PRKG1: variants seen among roughly 807,000 people sequenced by gnomAD.
The protein encoded by PRKG1 is protein kinase cGMP-dependent 1.
PRKG1 carries 35 observed loss-of-function variants against 88.1 expected under a neutral mutation model. The observed-to-expected ratio is 0.40, with a 90% CI of 0.30 to 0.53. The LOEUF (loss-of-function observed/expected upper bound fraction) is 0.53, where lower values mean the gene tolerates loss of function less well. Among genes scored for constraint, PRKG1 ranks in the 20% least tolerant of loss-of-function variants. PRKG1 has a pLI of 0.59. For missense variants in PRKG1, 540 were observed against 839.8 expected (o/e 0.64, Z 4.41); for synonymous variants, 303 against 292.5 (o/e 1.04, Z -0.37).
intron 3 of PRKG1, among the ~76,000 whole-genome samples, chr10:51,473,396 ATT>A (rs1840105861): frequency 6.6e-6 from 1 of 151,740 alleles, no homozygotes; most frequent in Non-Finnish European, 1.5e-5. Context: ...GGTTGAGAAG[ATT>A]TTTTTCCTTA....
chr10:52,096,925 G>A lies in PRKG1; in HGVS notation c.935+34294G>A, dbSNP rs555441679. On this transcript the variant is annotated intron_variant, in intron 7 of 17. Coordinates refer to ENST00000373980, the MANE Select transcript of PRKG1 (RefSeq NM_006258.4). The stretch of plus-strand genomic sequence containing the variant: ...TATTATTAACTTACATGTAATGGCT[G>A]CTTGCTCTGGGCTGGATACAGAGTT... Among the ~76,000 whole-genome samples, 16 of 152,200 alleles carry A rather than the reference G, an allele frequency of 1.1e-4. No individual in the cohort carries two copies. The South Asian group carries it at 3.3e-3, about 32-fold the overall frequency.
At chr10:51,884,931 A>G (rs964612544) in intron 4 of PRKG1, among the ~76,000 whole-genome samples, 9 of 152,178 alleles carry the variant, frequency 5.9e-5, no homozygotes, top group African/African-American at 2.2e-4. Context: ...TTAACTCACC[A>G]TGGAGATATC....
intron 1 of PRKG1, among the ~76,000 whole-genome samples, chr10:51,111,278 AT>A (rs2131897008): frequency 6.6e-6 from 1 of 152,180 alleles, no homozygotes; most frequent in African/African-American, 2.4e-5. Flanking sequence ...ATATTTTTAA[AT>A]TTTTTGTGTG....
chr10:52,175,657 G>A (rs1589674511), intron 9 of PRKG1, among the ~76,000 whole-genome samples: 2 of 151,952 alleles, frequency 1.3e-5, no homozygotes, highest in African/African-American at 4.8e-5. Flanking sequence ...ACAACCATTT[G>A]TTATTTTTTG....
At chr10:51,272,810 C>T (rs1347268105) in intron 2 of PRKG1, among the ~76,000 whole-genome samples, 2 of 152,098 alleles carry the variant, frequency 1.3e-5, no homozygotes, top group African/African-American at 4.8e-5. Context: ...AATCTCCTCC[C>T]TTTTAATAAG....
chr10:51,345,701 C>CG (rs544670895), intron 2 of PRKG1, among the ~76,000 whole-genome samples: 27 of 152,290 alleles, frequency 1.8e-4, no homozygotes, highest in African/African-American at 5.1e-4. Context: ...TTTGGGGACT[C>CG]TATCAAGTCC....
chr10:51,222,265 T>C (rs969897067), intron 2 of PRKG1, among the ~76,000 whole-genome samples: 5 of 152,156 alleles, frequency 3.3e-5, no homozygotes. Context: ...ACTTGTCTAC[T>C]CTAAGACCAA....
chr10:51,618,406 G>A (rs1839119374), intron 3 of PRKG1, among the ~76,000 whole-genome samples: 1 of 152,168 alleles, frequency 6.6e-6, no homozygotes, highest in African/African-American at 2.4e-5. Flanking sequence ...CAGGGAGGGA[G>A]AGGCATCCCC....
intron 4 of PRKG1, among the ~76,000 whole-genome samples, chr10:51,839,377 T>C (rs907116454): frequency 5.9e-5 from 9 of 152,130 alleles, no homozygotes; most frequent in African/African-American, 1.9e-4. Flanking sequence ...ACTTCCCCCA[T>C]GCCCACCCCA....
At chr10:51,287,214 G>A (rs765199283) in intron 2 of PRKG1, among the ~76,000 whole-genome samples, 1 of 152,060 alleles carries the variant, frequency 6.6e-6, no homozygotes, top group Non-Finnish European at 1.5e-5. Flanking sequence ...ACAAGGTCTG[G>A]ATTCCACCAT....
intron 2 of PRKG1, among the ~76,000 whole-genome samples, chr10:51,357,723 A>T (rs1386978024): frequency 6.6e-6 from 1 of 151,888 alleles, no homozygotes; most frequent in Non-Finnish European, 1.5e-5. Flanking sequence ...GAGAAAAAAA[A>T]TTTCTATATA....
chr10:51,218,497 AT>A (rs1212889231), intron 2 of PRKG1, among the ~76,000 whole-genome samples: 3 of 93,918 alleles, frequency 3.2e-5, no homozygotes, highest in Admixed American at 2.1e-4. Context: ...CTTCATATAT[AT>A]ATATATATAT....
chr10:52,035,430 C>T (rs553861144), intron 5 of PRKG1, among the ~76,000 whole-genome samples: 289 of 152,230 alleles, frequency 1.9e-3, no homozygotes, highest in Middle Eastern at 3.4e-3. Flanking sequence ...ATGAGAGGTT[C>T]TAAGAGGCAG....
intron 3 of PRKG1, among the ~76,000 whole-genome samples, chr10:51,749,247 C>G (rs903113705): frequency 1.3e-5 from 2 of 152,126 alleles, no homozygotes; most frequent in African/African-American, 2.4e-5. Context: ...TCAGTTCTGT[C>G]TTAGTCAGCT....
At chr10:51,115,319 G>T (rs376939235) in intron 1 of PRKG1, among the ~76,000 whole-genome samples, 2 of 84,890 alleles carry the variant, frequency 2.4e-5, no homozygotes, top group Admixed American at 3.1e-4. Flanking sequence ...ATCTCGGGGC[G>T]GGGGGAGGGA....
intron 2 of PRKG1, among the ~76,000 whole-genome samples, chr10:51,278,269 T>C (rs1840186369): frequency 6.6e-6 from 1 of 152,218 alleles, no homozygotes; most frequent in South Asian, 2.1e-4. Flanking sequence ...TCGATTTTCG[T>C]ATGTTGAACC....
intron 2 of PRKG1, among the ~76,000 whole-genome samples, chr10:51,413,109 T>C (rs1180936387): frequency 6.6e-6 from 1 of 152,222 alleles, no homozygotes; most frequent in Non-Finnish European, 1.5e-5. Context: ...AATGTTAAGA[T>C]TGTTCCTAAT....
chr10:51,755,583 C>A (rs954168664), intron 3 of PRKG1, among the ~76,000 whole-genome samples: 1 of 152,202 alleles, frequency 6.6e-6, no homozygotes, highest in African/African-American at 2.4e-5. Flanking sequence ...TAGATTTATA[C>A]TTACTTTTTG....
intron 3 of PRKG1, among the ~76,000 whole-genome samples, chr10:51,515,790 C>T (rs867450357): frequency 6.6e-6 from 1 of 152,132 alleles, no homozygotes; most frequent in African/African-American, 2.4e-5. Flanking sequence ...GCCCACTCAA[C>T]CCCTTGCAGG....
Sources: gnomAD v4.1 joint callset for allele counts (sites outside exome capture counted in the v4.1 genomes callset) on GRCh38, gnomAD v4.1.1 for gene constraint, MANE v1.5 for transcripts, NCBI Gene and HGNC (gene_info 2026-07-23, HGNC 2026-07-21) for gene names.